The following GAREM1 variants were observed in gnomAD, a reference collection of about 807,000 sequenced individuals.
GAREM1 encodes GRB2-associated and regulator of MAPK protein 1.
GAREM1 carries 26 observed loss-of-function variants against 71.3 expected under a neutral mutation model. The observed-to-expected ratio is 0.36, with a 90% CI of 0.27 to 0.51. The LOEUF (loss-of-function observed/expected upper bound fraction) is 0.51. Ranked by LOEUF, GAREM1 falls within the 20% of genes least tolerant of loss-of-function variation. GAREM1 has a pLI of 0.95. For synonymous variants in GAREM1, 440 were observed against 433.2 expected (o/e 1.02, Z -0.20); for missense variants, 1,026 against 1,103.1 (o/e 0.93, Z 0.99).
intron 2 of GAREM1, among the ~76,000 whole-genome samples, chr18:32,348,336 A>G (rs1340253124): frequency 6.6e-6 from 1 of 152,256 alleles, no homozygotes; most frequent in Non-Finnish European, 1.5e-5. Context: ...CTTGGTGATT[A>G]AAAGAAAACT....
intron 3 of GAREM1, among the ~76,000 whole-genome samples, chr18:32,295,538 C>T (rs561522359): frequency 7.2e-5 from 11 of 152,234 alleles, no homozygotes; most frequent in Non-Finnish European, 1.2e-4. Flanking sequence ...ACGTTCATAC[C>T]ATATACTGAG....
At chr18:32,358,336 G>C (rs996560982) in intron 2 of GAREM1, among the ~76,000 whole-genome samples, 1 of 151,946 alleles carries the variant, frequency 6.6e-6, no homozygotes, top group South Asian at 2.1e-4. Context: ...CATTACAGGA[G>C]GTCAAGTGAG....
chr18:32,310,640 G>T (rs1016566871), intron 2 of GAREM1, among the ~76,000 whole-genome samples: 9 of 152,084 alleles, frequency 5.9e-5, no homozygotes, highest in African/African-American at 1.9e-4. Context: ...TGCTATAAAT[G>T]GTTGTTTTTA....
chr18:32,287,469 G>A lies in GAREM1; in HGVS notation c.1128C>T (p.Arg376=), dbSNP rs1424770621. 5.0e-6 allele frequency: 8 copies of A among 1,614,178 alleles called. No homozygotes were observed. The highest frequency in any genetic ancestry group is 3.3e-5 in the Admixed American group (2 of 60,026). ...GGTGGAAGGACTGGGTGAGCTCATC[G>A]CGGGCGTAGCTGAGCGAATTGGGCA... ...NHVPNSLSYA[R]DELTQSFHRL... The change falls in exon 4 of 6, where the codon CGC becomes CGT. Residue 376 remains arginine, a synonymous_variant. Transcript: ENST00000269209. This position sits in a 1 kb window ranked among gnomAD's most constrained non-coding sequence, Gnocchi z 5.9.
intron 1 of GAREM1, among the ~76,000 whole-genome samples, chr18:32,405,223 G>T (rs2048354284): frequency 6.6e-6 from 1 of 151,668 alleles, no homozygotes; most frequent in Non-Finnish European, 1.5e-5. Flanking sequence ...TTTTGAGACA[G>T]AATCTCGCTC....
At chr18:32,383,922 T>A (rs1344989433) in intron 2 of GAREM1, among the ~76,000 whole-genome samples, 1 of 152,180 alleles carries the variant, frequency 6.6e-6, no homozygotes, top group Non-Finnish European at 1.5e-5. Flanking sequence ...CAAAGGACTC[T>A]AAAATTTTTA....
intron 3 of GAREM1, among the ~76,000 whole-genome samples, chr18:32,295,975 T>C (rs996218686): frequency 6.6e-6 from 1 of 151,874 alleles, no homozygotes. Context: ...TTTTTTTTTT[T>C]CTTTTGAGAT....
intron 2 of GAREM1, among the ~76,000 whole-genome samples, chr18:32,373,101 T>A (rs1008941928): frequency 2.0e-5 from 3 of 152,224 alleles, no homozygotes; most frequent in African/African-American, 7.2e-5. Flanking sequence ...CAAGTATTCA[T>A]GTTGTATCTC....
chr18:32,341,610 T>A (rs2047648502), intron 2 of GAREM1, among the ~76,000 whole-genome samples: 1 of 152,152 alleles, frequency 6.6e-6, no homozygotes, highest in African/African-American at 2.4e-5. Context: ...GTAAGATAAA[T>A]GTTGATATTT....
At chr18:32,390,985 C>T (rs956668241) in intron 2 of GAREM1, among the ~76,000 whole-genome samples, 1 of 152,174 alleles carries the variant, frequency 6.6e-6, no homozygotes, top group Non-Finnish European at 1.5e-5. Context: ...CTTTTGAGTA[C>T]AGATCCAAAG....
chr18:32,341,667 G>A (rs895856541), intron 2 of GAREM1, among the ~76,000 whole-genome samples: 2 of 152,094 alleles, frequency 1.3e-5, no homozygotes, highest in African/African-American at 4.8e-5. Context: ...CTTTAATATG[G>A]CAGCAATGTA....
chr18:32,432,381 G>A lies in GAREM1; in HGVS notation c.121+37927C>T, dbSNP rs1219346702. On this transcript the variant is annotated intron_variant, in intron 1 of 5. Transcript: ENST00000269209. ...TGGAAAAAAAAGAACAGAATAAACC[G>A]AAAGCAATCCAAAAGAAAGAAGAGC... is the stretch of plus-strand genomic sequence containing the variant. Among the ~76,000 whole-genome samples, 9 of 151,886 alleles carry A rather than the reference G, an allele frequency of 5.9e-5. No individual in the cohort carries two copies. The South Asian group carries it at 1.3e-3, about 21-fold the overall frequency.
In GAREM1 at chr18:32,274,034, G is replaced by A. The variant is rs116439173; in HGVS notation, c.1567-3651C>T. 4.8e-3 allele frequency among the ~76,000 whole-genome samples: 726 copies of A among 152,282 alleles called. 8 individuals carry two copies. The highest frequency in any genetic ancestry group is 0.017 in the African/African-American group (700 of 41,560). On this transcript the variant is annotated intron_variant, in intron 4 of 5. Transcript: ENST00000269209. ...GAGTGGCTTGCACTACGCCAGGCAG[G>A]TGAGGGGCAGCCCACGGCAGGTGGG...
At chr18:32,293,099 TCA>T (rs1275848012) in intron 3 of GAREM1, among the ~76,000 whole-genome samples, 3 of 151,986 alleles carry the variant, frequency 2.0e-5, no homozygotes, top group East Asian at 1.9e-4. Context: ...CTGTACTAAC[TCA>T]CACTTTTCAG....
intron 1 of GAREM1, among the ~76,000 whole-genome samples, chr18:32,411,093 G>A (rs1348929816): frequency 6.6e-6 from 1 of 152,178 alleles, no homozygotes; most frequent in Non-Finnish European, 1.5e-5. Context: ...ATGAGCCACC[G>A]TGCCTGGTGA....
intron 2 of GAREM1, among the ~76,000 whole-genome samples, chr18:32,317,526 T>C (rs632368): frequency 0.17 from 25,578 of 152,016 alleles, 2,394 homozygotes; most frequent in African/African-American, 0.24. Flanking sequence ...ATGTTTGTCT[T>C]TGAATGGCAG....
intron 2 of GAREM1, among the ~76,000 whole-genome samples, chr18:32,312,335 G>C (rs2047332807): frequency 1.3e-5 from 2 of 152,150 alleles, no homozygotes; most frequent in African/African-American, 4.8e-5. Flanking sequence ...GGAGTGAGAG[G>C]AAAACCAAGA....
intron 1 of GAREM1, among the ~76,000 whole-genome samples, chr18:32,409,618 C>G (rs1343245000): frequency 6.6e-6 from 1 of 152,042 alleles, no homozygotes; most frequent in Non-Finnish European, 1.5e-5. Flanking sequence ...CAAATGAACC[C>G]TTGGACAAAA....
intron 1 of GAREM1, among the ~76,000 whole-genome samples, chr18:32,428,659 TAAATA>T (rs928990934): frequency 1.3e-5 from 2 of 152,206 alleles, no homozygotes; most frequent in African/African-American, 4.8e-5. Context: ...ACCTCTTTTT[TAAATA>T]AATTACTTAG....
Sources: allele counts gnomAD v4.1 joint callset (sites outside exome capture counted in the v4.1 genomes callset), GRCh38; gene constraint gnomAD v4.1.1; non-coding constraint Gnocchi (gnomAD v3.1); transcripts MANE v1.5; gene names NCBI Gene and HGNC (gene_info 2026-07-23, HGNC 2026-07-21).